TGS1: variants seen among roughly 807,000 people sequenced by gnomAD.
The protein encoded by TGS1 is trimethylguanosine synthase 1.
TGS1 carries 69 observed loss-of-function variants against 92.2 expected under a neutral mutation model. The observed-to-expected ratio is 0.75, with a 90% CI of 0.62 to 0.91. The LOEUF (loss-of-function observed/expected upper bound fraction) is 0.91. TGS1 is among the 40% of genes least tolerant of loss of function. TGS1 has a pLI of 0.00. For synonymous variants in TGS1, 345 were observed against 338.1 expected, an observed-to-expected ratio of 1.02 and a Z score of -0.22; for missense variants, 1,062 against 1,001.2, an observed-to-expected ratio of 1.06 and a Z score of -0.82.
At chr8:55,803,199 GGATA>G (rs1321788994) in intron 9 of TGS1, among the ~76,000 whole-genome samples, 1 of 151,904 alleles carries the variant, frequency 6.6e-6, no homozygotes, top group African/African-American at 2.4e-5. Context: ...TAGCACGTTA[GGATA>G]GATAGCAAAA....
chr8:55,810,798 G>T, intron 10 of TGS1, 83 bp from the exon 11 acceptor site: 2 of 1,139,876 alleles, frequency 1.8e-6, no homozygotes, highest in South Asian at 1.3e-5. Flanking sequence ...TACAGAAGAT[G>T]ACAGACTATT....
At chr8:55,810,816 C>G in intron 10 of TGS1, 65 bp from the exon 11 acceptor site, 1 of 1,351,326 alleles carries the variant, frequency 7.4e-7, no homozygotes, top group Non-Finnish European at 1.0e-6. Flanking sequence ...ATTCGAAAGA[C>G]AAACTATCCT....
chr8:55,812,335 C>A (rs1563468149), intron 11 of TGS1, among the ~76,000 whole-genome samples: 2 of 151,910 alleles, frequency 1.3e-5, no homozygotes, highest in Non-Finnish European at 2.9e-5. Flanking sequence ...CAAGACCAGC[C>A]TGGCCAACAT....
chr8:55,795,694 A>C (rs1219847420), intron 6 of TGS1, among the ~76,000 whole-genome samples: 1 of 151,882 alleles, frequency 6.6e-6, no homozygotes, highest in African/African-American at 2.4e-5. Flanking sequence ...TGTTTGTTTT[A>C]CTATTTATTT....
chr8:55,785,096 G>A (rs1299895131), intron 2 of TGS1, among the ~76,000 whole-genome samples: 7 of 147,734 alleles, frequency 4.7e-5, no homozygotes, highest in South Asian at 4.2e-4. Context: ...ACAGAGTCTC[G>A]CTCTCTCACC....
intron 3 of TGS1, 85 bp downstream of exon 3, chr8:55,785,976 T>C: frequency 9.0e-7 from 1 of 1,112,298 alleles, no homozygotes; most frequent in Non-Finnish European, 1.3e-6. Context: ...TCAGATTATA[T>C]GCATTCACGA....
rs1401946515 is a variant in TGS1, at chr8:55,825,416, TA to T, written c.*714del. On this transcript the variant is annotated 3_prime_UTR_variant, in exon 13 of 13. Transcript: ENST00000260129. ...ATATATTTTGTAATATAGGAGTTTCTATTTTTTTATTAAAATGGCAATGAAA... is the reference window on the plus strand; with the variant it reads ...ATATATTTTGTAATATAGGAGTTTCTTTTTTTTATTAAAATGGCAATGAAA... The T allele has an allele frequency of 1.6e-4, 24 of 152,318 alleles. No homozygotes were observed. The highest frequency in any genetic ancestry group is 1.6e-3 in the Admixed American group (24 of 15,300). 9.4% of individuals were successfully genotyped at this position (152,318 alleles called of 1,614,324 possible). A position where few individuals can be genotyped will look rare whatever the true frequency, so the allele number is the denominator to read the frequency against.
chr8:55,787,895 A>G (rs62515244), intron 4 of TGS1, among the ~76,000 whole-genome samples: 1 of 116,218 alleles, frequency 8.6e-6, no homozygotes, highest in Non-Finnish European at 1.9e-5. Flanking sequence ...GAGAGAGAGC[A>G]AGAGAGAGGG....
Position 55,796,024 on chromosome 8 carries a change from G to C in TGS1, c.1414G>C (p.Glu472Gln). 6.2e-7 allele frequency: 1 copy of C among 1,613,742 alleles called. No homozygotes were observed. Among genetic ancestry groups the C allele is most frequent in the Non-Finnish European group, 8.5e-7 (1 of 1,179,800 alleles). Residue 472 changes from glutamate (E) to glutamine (Q), a missense_variant, in exon 7 of 13, where the codon GAG becomes CAG. Physicochemically the swap from Glu to Gln is conservative, Grantham distance 29. Transcript: ENST00000260129. The stretch of plus-strand genomic sequence containing the variant: ...CAGTCATCGGCAGGTCAGGTATTTA[G>C]AGAAGAATGTGAAGCTTAAGTCTAA... ...NFSHRQVRYL[E>Q]KNVKLKSKYL... is the part of the protein sequence containing the mutation.
chr8:55,787,002 AG>A lies in TGS1; in HGVS notation c.1106del (p.Gly369GlufsTer56), dbSNP rs1317357527. The A allele has an allele frequency of 6.2e-7, 1 of 1,614,136 alleles. No individual in the cohort carries two copies. On this transcript the variant is annotated frameshift_variant, in exon 4 of 13. Transcript: ENST00000260129. LOFTEE classifies it high-confidence loss of function. The part of the protein sequence containing the change: ...ASGQSEPRNG[G>X]TNEESNSSGN... Reference sequence around the variant, plus strand: ...CCGGCCAAAGTGAACCACGTAATGGAGGAACCAATGAGGAAAGCAACTCATC... The same window carrying A: ...CCGGCCAAAGTGAACCACGTAATGGAGAACCAATGAGGAAAGCAACTCATC...
chr8:55,778,664 T>C (rs1811469568), intron 1 of TGS1, among the ~76,000 whole-genome samples: 1 of 152,250 alleles, frequency 6.6e-6, no homozygotes. Flanking sequence ...CATATCTGTG[T>C]GCTTTTACAA....
chr8:55,802,379 C>A (rs1272063261), intron 8 of TGS1, 78 bp from the exon 9 acceptor site: 4 of 1,208,942 alleles, frequency 3.3e-6, no homozygotes, highest in East Asian at 4.7e-5. Context: ...TTTGATGTGG[C>A]TTCATTTTTA....
intron 12 of TGS1, among the ~76,000 whole-genome samples, chr8:55,818,385 T>C (rs987616007): frequency 6.6e-6 from 1 of 152,206 alleles, no homozygotes; most frequent in Non-Finnish European, 1.5e-5. Context: ...GTTGGCCAGC[T>C]ATTCTTCACC....
At chr8:55,787,088 A>G (rs1352663263) in intron 4 of TGS1, 28 bp downstream of exon 4, 16 of 1,529,532 alleles carry the variant, frequency 1.0e-5, no homozygotes, top group African/African-American at 1.4e-5. Context: ...TTATTCTGCC[A>G]TGTAATGGTT....
At chr8:55,792,634 A>G in intron 5 of TGS1, 64 bp from the exon 6 acceptor site, 3 of 1,155,952 alleles carry the variant, frequency 2.6e-6, no homozygotes, top group Non-Finnish European at 3.9e-6. Flanking sequence ...CCTTTTTTAT[A>G]TTTATCTGAA....
chr8:55,802,610 A>C lies in TGS1; in HGVS notation c.1999+4A>C. The C allele has an allele frequency of 6.2e-7, 1 of 1,604,942 alleles. No homozygotes were observed. The highest frequency in any genetic ancestry group is 8.5e-7 in the Non-Finnish European group (1 of 1,177,696). On this transcript the variant is annotated splice_donor_region_variant and intron_variant, in intron 9 of 12. Coordinates refer to ENST00000260129, the MANE Select transcript of TGS1 (RefSeq NM_024831.8). ...GATGGGATTAAGTTGGACAGAGGTA[A>C]AGTATATATGTATTTTTTAGCTTTA...
chr8:55,802,055 G>A (rs28378716), intron 8 of TGS1, among the ~76,000 whole-genome samples: 3,465 of 152,244 alleles, frequency 0.023, 137 homozygotes, highest in African/African-American at 0.08. Context: ...TTAGCCGGGC[G>A]TGGTGACGGG....
Position 55,792,681 on chromosome 8 carries a change from A to C in TGS1, c.1281-17A>C. The stretch of plus-strand genomic sequence containing the variant: ...TGGTGGTAATGGCTTATCACTGTTT[A>C]CCTTTTCTTTATTTAGCCATGAACT... On this transcript the variant is annotated splice_polypyrimidine_tract_variant and intron_variant, in intron 5 of 12. Transcript: ENST00000260129. 3.1e-6 allele frequency: 5 copies of C among 1,595,284 alleles called. No homozygotes were observed. Among genetic ancestry groups the C allele is most frequent in the African/African-American group, 1.3e-5 (1 of 74,586 alleles).
intron 1 of TGS1, among the ~76,000 whole-genome samples, chr8:55,778,705 ATAT>A (rs1033164838): frequency 2.6e-5 from 4 of 152,194 alleles, no homozygotes; most frequent in Non-Finnish European, 5.9e-5. Flanking sequence ...GGCAAGTCAC[ATAT>A]TATTTCTGTG....
Sources: allele counts gnomAD v4.1 joint callset (sites outside exome capture counted in the v4.1 genomes callset), GRCh38; gene constraint gnomAD v4.1.1; transcripts MANE v1.5; gene names NCBI Gene and HGNC (gene_info 2026-07-23, HGNC 2026-07-21).